ZDHHC13: variants seen among roughly 807,000 people sequenced by gnomAD.
ZDHHC13 encodes palmitoyltransferase ZDHHC13.
A neutral mutation model predicts 86.0 loss-of-function variants in ZDHHC13; 85 were observed. The ratio of observed to expected loss-of-function variants is 0.99; its 90% CI spans 0.83 to 1.18. ZDHHC13 has a LOEUF of 1.18. Among genes scored for constraint, ZDHHC13 ranks in the 50% most tolerant of loss-of-function variants. ZDHHC13 has a pLI of 0.00. For synonymous variants in ZDHHC13, 263 were observed against 246.4 expected (o/e 1.07, Z -0.63); for missense variants, 711 against 730.2 (o/e 0.97, Z 0.30).
At chr11:19,136,108 G>A (rs1307377940) in intron 1 of ZDHHC13, among the ~76,000 whole-genome samples, 1 of 152,202 alleles carries the variant, frequency 6.6e-6, no homozygotes, top group Non-Finnish European at 1.5e-5. Flanking sequence ...GAAGGCTTCA[G>A]ACGATCAAAT....
At chr11:19,164,699 A>G (rs1212899987) in intron 12 of ZDHHC13, 2 of 410,908 alleles carry the variant, frequency 4.9e-6, no homozygotes, top group African/African-American at 4.0e-5. Context: ...TCATTTTGCA[A>G]TTGAGGAATC....
intron 1 of ZDHHC13, among the ~76,000 whole-genome samples, chr11:19,119,384 C>T (rs762059929): frequency 3.9e-5 from 6 of 152,166 alleles, no homozygotes; most frequent in African/African-American, 7.2e-5. Context: ...GCATTACAGG[C>T]GTGAGCCACC....
rs137935285 is a variant in ZDHHC13, at chr11:19,146,259, G to T, written c.252G>T (p.Ser84=). ...GGCAACCAGATAAAGAAAATGTGTCGCTTCTTCATTGGGCTGCTATTAACA... is the reference window on the plus strand; with the variant it reads ...GGCAACCAGATAAAGAAAATGTGTCTCTTCTTCATTGGGCTGCTATTAACA... ...DVRQPDKENV[S]LLHWAAINNR... The change falls in exon 3 of 17, where the codon TCG becomes TCT. Residue 84 remains serine, a synonymous_variant. Transcript: ENST00000446113. 2 of 1,612,970 alleles carry T rather than the reference G, an allele frequency of 1.2e-6. No homozygotes were observed. The highest frequency in any genetic ancestry group is 3.3e-5 in the Admixed American group (2 of 59,920).
chr11:19,142,669 G>T (rs1228290393), intron 1 of ZDHHC13, among the ~76,000 whole-genome samples: 2 of 151,942 alleles, frequency 1.3e-5, no homozygotes, highest in African/African-American at 4.8e-5. Flanking sequence ...TGGATTTTTT[G>T]TAATAGTAAG....
chr11:19,119,926 C>CACTT (rs1848726576), intron 1 of ZDHHC13, among the ~76,000 whole-genome samples: 1 of 152,176 alleles, frequency 6.6e-6, no homozygotes, highest in South Asian at 2.1e-4. Context: ...CTCTCTCACT[C>CACTT]GCTCCTTCTC....
Position 19,117,197 on chromosome 11 carries a change from G to T in ZDHHC13, c.-53G>T. The T allele has an allele frequency of 6.5e-7, 1 of 1,528,558 alleles. No individual in the cohort carries two copies. Among genetic ancestry groups the T allele is most frequent in the Non-Finnish European group, 8.8e-7 (1 of 1,140,642 alleles). 94.7% of individuals were successfully genotyped at this position (1,528,558 alleles called of 1,614,324 possible). A position where few individuals can be genotyped will look rare whatever the true frequency, so the allele number is the denominator to read the frequency against. On this transcript the variant is annotated 5_prime_UTR_variant, in exon 1 of 17. Coordinates refer to ENST00000446113, the MANE Select transcript of ZDHHC13 (RefSeq NM_019028.3). The surrounding 1 kb of genome is among the most constrained non-coding windows in gnomAD (Gnocchi z 4.2). ...GCGACCCAAGGCGGGCTGGCGGGCT[G>T]GCGGCAGTCGCTACTTGCCTAGTAG... is the stretch of plus-strand genomic sequence containing the variant.
At chr11:19,150,887 A>G in intron 6 of ZDHHC13, 96 bp downstream of exon 6, 3 of 1,041,248 alleles carry the variant, frequency 2.9e-6, no homozygotes, top group South Asian at 3.9e-5. Context: ...GTGAGATGAT[A>G]GTACATTGAA....
Position 19,170,449 on chromosome 11 carries a change from G to A in ZDHHC13, c.1513G>A (p.Gly505Arg). ...SHCATTFKED[G>R]LWTYLNQIVA... ...TTGTGCCACAACATTCAAAGAAGAT[G>A]GATTATGGACTTACCTCAATCAGAT... Residue 505 changes from glycine to arginine, a missense_variant, in exon 15 of 17, where the codon GGA becomes AGA. Coordinates refer to ENST00000446113, the MANE Select transcript of ZDHHC13 (RefSeq NM_019028.3). The A allele has an allele frequency of 6.8e-7, 1 of 1,462,328 alleles. No individual in the cohort carries two copies. The highest frequency in any genetic ancestry group is 9.1e-7 in the Non-Finnish European group (1 of 1,098,530). The allele number at this position is 1,462,328 out of a possible 1,614,324, so 90.6% of individuals were successfully genotyped here. A position where few individuals can be genotyped will look rare whatever the true frequency, so the allele number is the denominator to read the frequency against.
intron 11 of ZDHHC13, 93 bp downstream of exon 11, chr11:19,163,520 AC>A (rs1394825590): frequency 1.5e-6 from 2 of 1,292,382 alleles, no homozygotes; most frequent in African/African-American, 1.5e-5. Flanking sequence ...GCTTTTTGTT[AC>A]GGCTGCATGA....
chr11:19,143,987 A>G (rs1268200325), intron 2 of ZDHHC13, among the ~76,000 whole-genome samples: 1 of 152,234 alleles, frequency 6.6e-6, no homozygotes, highest in Non-Finnish European at 1.5e-5. Context: ...CTAACTTGAT[A>G]TAATTTCTAT....
Position 19,170,560 on chromosome 11 carries a change from CTCTT to C in ZDHHC13, c.1627_1630del (p.Phe543ArgfsTer7). 2.6e-6 allele frequency: 4 copies of C among 1,523,336 alleles called. No homozygotes were observed. The highest frequency in any genetic ancestry group is 3.5e-6 in the Non-Finnish European group (4 of 1,140,110). 94.4% of individuals were successfully genotyped at this position (1,523,336 alleles called of 1,614,324 possible). ...GTCAACATTTTTATTATTAAATCAA[CTCTT>C]TCAGGTATTTATTTCTCTTCTTATA... On this transcript the variant is annotated frameshift_variant, in exon 15 of 17. Transcript: ENST00000446113. LOFTEE classifies it high-confidence loss of function.
chr11:19,156,974 T>C (rs146928089), intron 9 of ZDHHC13, among the ~76,000 whole-genome samples: 3 of 152,312 alleles, frequency 2.0e-5, no homozygotes, highest in African/African-American at 7.2e-5. Flanking sequence ...CCCAGCGACT[T>C]CCTCTCTTTC....
intron 3 of ZDHHC13, among the ~76,000 whole-genome samples, chr11:19,147,109 AACAC>A (rs763349609): frequency 9.2e-5 from 14 of 152,160 alleles, no homozygotes; most frequent in Non-Finnish European, 1.8e-4. Flanking sequence ...TACAGGGCAA[AACAC>A]TCAAAATGTC....
At chr11:19,158,727 G>A (rs1429889305) in intron 9 of ZDHHC13, among the ~76,000 whole-genome samples, 7 of 152,024 alleles carry the variant, frequency 4.6e-5, no homozygotes, top group South Asian at 2.1e-4. Flanking sequence ...CTTGAGAGTC[G>A]TTGTGCTTTA....
chr11:19,120,963 G>T (rs1252126362), intron 1 of ZDHHC13, among the ~76,000 whole-genome samples: 1 of 152,092 alleles, frequency 6.6e-6, no homozygotes, highest in Non-Finnish European at 1.5e-5. Context: ...TAAGCTTCAG[G>T]GCGTTAGTGA....
chr11:19,140,187 A>G (rs1389557312), intron 1 of ZDHHC13, among the ~76,000 whole-genome samples: 3 of 151,410 alleles, frequency 2.0e-5, no homozygotes, highest in Non-Finnish European at 3.0e-5. Flanking sequence ...GCTAATATCC[A>G]GAATCTACAA....
chr11:19,137,291 G>T (rs1422595849), intron 1 of ZDHHC13, among the ~76,000 whole-genome samples: 1 of 151,850 alleles, frequency 6.6e-6, no homozygotes, highest in Non-Finnish European at 1.5e-5. Flanking sequence ...AACAGACTTT[G>T]AACCAACAAA....
chr11:19,120,613 A>G (rs1438627672), intron 1 of ZDHHC13, among the ~76,000 whole-genome samples: 1 of 152,212 alleles, frequency 6.6e-6, no homozygotes, highest in East Asian at 1.9e-4. Context: ...TTTTGAGGCT[A>G]TGTTGTAAAA....
Position 19,166,381 on chromosome 11 carries a change from C to A in ZDHHC13, c.1470C>A (p.Phe490Leu). ...MVCGWIIYGSFIYLSSHCATT... is the reference protein window; with the variant it reads ...MVCGWIIYGSLIYLSSHCATT... ...GTGGCTGGATTATATATGGATCTTTCATCTGTAAGTGTAAATTTTTCTTAC... is the reference window on the plus strand; with the variant it reads ...GTGGCTGGATTATATATGGATCTTTAATCTGTAAGTGTAAATTTTTCTTAC... The change falls in exon 14 of 17, where the codon TTC (phenylalanine) becomes TTA (leucine). Residue 490 changes from phenylalanine (F) to leucine (L), a missense_variant. Coordinates refer to ENST00000446113, the MANE Select transcript of ZDHHC13 (RefSeq NM_019028.3). 1 of 1,609,938 alleles carries A rather than the reference C, an allele frequency of 6.2e-7. No homozygotes were observed. Among genetic ancestry groups the A allele is most frequent in the African/African-American group, 1.3e-5 (1 of 74,802 alleles).
Sources: gnomAD v4.1 joint callset for allele counts (sites outside exome capture counted in the v4.1 genomes callset) on GRCh38, gnomAD v4.1.1 for gene constraint, Gnocchi (gnomAD v3.1) non-coding constraint, MANE v1.5 for transcripts, NCBI Gene and HGNC (gene_info 2026-07-23, HGNC 2026-07-21) for gene names.